The following MS4A12 variants were observed in gnomAD, a reference collection of about 807,000 sequenced individuals.
The protein encoded by MS4A12 is membrane-spanning 4-domains subfamily A member 12.
MS4A12 carries 28 observed loss-of-function variants against 23.7 expected under a neutral mutation model. The observed-to-expected ratio is 1.18, with a 90% CI of 0.88 to 1.62. The LOEUF (loss-of-function observed/expected upper bound fraction) is 1.62, where lower values mean the gene tolerates loss of function less well. Among genes scored for constraint, MS4A12 ranks in the 40% most tolerant of loss-of-function variants. The probability of loss-of-function intolerance (pLI) is 0.00; values close to 1 mark genes in which losing one functional copy is unlikely to be tolerated. For missense variants in MS4A12, 342 were observed against 327.0 expected (o/e 1.05, Z -0.35); for synonymous variants, 108 against 110.1 (o/e 0.98, Z 0.12).
intron 2 of MS4A12, 36 bp from the exon 3 acceptor site, chr11:60,501,009 A>G: frequency 6.3e-7 from 1 of 1,575,158 alleles, no homozygotes. Flanking sequence ...TCTGAAAGTG[A>G]AGAAGTAATT....
At chr11:60,500,679 TC>T (rs2086523672) in intron 2 of MS4A12, among the ~76,000 whole-genome samples, 1 of 152,336 alleles carries the variant, frequency 6.6e-6, no homozygotes, top group Middle Eastern at 3.4e-3. Context: ...AGAGAACTGA[TC>T]CATCTGAAAA....
At chr11:60,493,101 T>C (rs993915937) in intron 1 of MS4A12, 1 of 151,340 alleles carries the variant, frequency 6.6e-6, no homozygotes, top group African/African-American at 2.4e-5. Context: ...GCTCGCTGGG[T>C]GCGGTGGCTC....
chr11:60,502,546 G>C (rs1194242078), intron 4 of MS4A12, among the ~76,000 whole-genome samples: 1 of 152,194 alleles, frequency 6.6e-6, no homozygotes, highest in Non-Finnish European at 1.5e-5. Context: ...TGTAAGAAGA[G>C]TTTATAAAAA....
intron 1 of MS4A12, 189 bp downstream of exon 1, chr11:60,493,017 G>A (rs1402765341): frequency 6.6e-6 from 1 of 152,094 alleles, no homozygotes; most frequent in African/African-American, 2.4e-5. Flanking sequence ...AAACAAAACA[G>A]AAGAGGAATG....
In MS4A12 at chr11:60,506,737, A is replaced by C. The variant is rs375256547; in HGVS notation, c.598A>C (p.Lys200Gln). The stretch of plus-strand genomic sequence containing the variant: ...TTATTTATGATTTCAGCTTTCTGGA[A>C]AAGGCATTTCAGCCACGCTGATGAT... ...GQDYWAVLSGKGISATLMIFS... is the reference protein window; with the variant it reads ...GQDYWAVLSGQGISATLMIFS... Residue 200 changes from lysine (K) to glutamine (Q), a missense_variant, in exon 6 of 7, where the codon AAA becomes CAA. Physicochemically the swap from Lys to Gln is moderately conservative, Grantham distance 53 (BLOSUM62 1). Transcript: ENST00000016913. The C allele has an allele frequency of 4.5e-5, 72 of 1,613,876 alleles. No individual in the cohort carries two copies. The highest frequency in any genetic ancestry group is 6.0e-5 in the Non-Finnish European group (71 of 1,179,916).
chr11:60,493,963 C>A (rs1349218859), intron 1 of MS4A12, among the ~76,000 whole-genome samples: 2 of 152,092 alleles, frequency 1.3e-5, no homozygotes, highest in Admixed American at 6.5e-5. Context: ...AAAATAATTG[C>A]AGTTGTTCTA....
intron 5 of MS4A12, among the ~76,000 whole-genome samples, chr11:60,505,381 G>T (rs892729507): frequency 1.3e-5 from 2 of 152,078 alleles, no homozygotes; most frequent in Non-Finnish European, 2.9e-5. Context: ...GGAGCTACAA[G>T]ATGAGATTTG....
At position 60,506,785 on chromosome 11, in the gene MS4A12, G is replaced by C. The variant is rs147008825; in HGVS notation, c.646G>C (p.Val216Leu). Residue 216 changes from valine (V) to leucine (L), a missense_variant, in exon 6 of 7, where the codon GTA (valine) becomes CTA (leucine). Physicochemically the swap from Val to Leu is conservative, Grantham distance 32. Coordinates refer to ENST00000016913, the MANE Select transcript of MS4A12 (RefSeq NM_017716.3). The stretch of plus-strand genomic sequence containing the variant: ...GATCTTCTCCCTCTTGGAGTTCTTC[G>C]TAGCTTGTGCCACAGCCCATTTTGC... ...LMIFSLLEFF[V>L]ACATAHFANQ... is the part of the protein sequence containing the mutation. 1 of 1,614,084 alleles carries C rather than the reference G, an allele frequency of 6.2e-7. No homozygotes were observed. The highest frequency in any genetic ancestry group is 1.7e-5 in the Admixed American group (1 of 60,026).
intron 2 of MS4A12, among the ~76,000 whole-genome samples, chr11:60,499,977 A>G (rs1444235392): frequency 6.6e-6 from 1 of 152,214 alleles, no homozygotes; most frequent in Non-Finnish European, 1.5e-5. Flanking sequence ...CAACTTTTTA[A>G]AAAAGGACAA....
chr11:60,500,033 A>C (rs929736111), intron 2 of MS4A12, among the ~76,000 whole-genome samples: 1 of 135,002 alleles, frequency 7.4e-6, no homozygotes, highest in African/African-American at 2.8e-5. Context: ...AGGTCAGAAG[A>C]TCCAGACCTT....
intron 5 of MS4A12, among the ~76,000 whole-genome samples, chr11:60,506,410 A>G (rs988607062): frequency 3.9e-5 from 6 of 152,218 alleles, no homozygotes; most frequent in Admixed American, 1.3e-4. Flanking sequence ...TGGTTTCTGT[A>G]TTGCTTGACT....
intron 6 of MS4A12, 31 bp from the exon 7 acceptor site, chr11:60,506,989 C>T: frequency 2.5e-6 from 4 of 1,575,552 alleles, no homozygotes; most frequent in Non-Finnish European, 3.5e-6. Context: ...TTGTAGTAAC[C>T]ATATTGCTTG....
chr11:60,506,819 C>T lies in MS4A12; in HGVS notation c.680C>T (p.Ala227Val), dbSNP rs765251191. The T allele has an allele frequency of 1.2e-5, 20 of 1,613,414 alleles. No homozygotes were observed. The African/African-American group carries it at 2.4e-4, about 19-fold the overall frequency. ...ACATAHFANQ[A>V]NTTTNMSVLV... ...GCCACAGCCCATTTTGCCAACCAAG[C>T]AAACACCACAACCAATATGGTGAGT... The change falls in exon 6 of 7, where the codon GCA becomes GTA. Residue 227 changes from alanine to valine, a missense_variant. By Grantham distance (64) the Ala-to-Val change is moderately conservative (BLOSUM62 0). Transcript: ENST00000016913.
Position 60,506,730 on chromosome 11 carries a change from T to C in MS4A12, c.591T>C (p.Leu197=). The C allele has an allele frequency of 6.2e-7, 1 of 1,613,770 alleles. No homozygotes were observed. The highest frequency in any genetic ancestry group is 1.1e-5 in the South Asian group (1 of 91,030). ...GVAGQDYWAV[L]SGKGISATLM... ...TCACTATTTATTTATGATTTCAGCTTTCTGGAAAAGGCATTTCAGCCACGC... is the reference window on the plus strand; with the variant it reads ...TCACTATTTATTTATGATTTCAGCTCTCTGGAAAAGGCATTTCAGCCACGC... The change falls in exon 6 of 7, where the codon CTT becomes CTC. Residue 197 remains leucine, a splice_region_variant and synonymous_variant. Transcript: ENST00000016913.
At chr11:60,500,582 T>A (rs940052844) in intron 2 of MS4A12, among the ~76,000 whole-genome samples, 11 of 152,190 alleles carry the variant, frequency 7.2e-5, no homozygotes, top group Non-Finnish European at 1.5e-4. Flanking sequence ...TGTAAAGTGT[T>A]CAGAACATGA....
In MS4A12 at chr11:60,507,254, G is replaced by C; in HGVS notation, c.*130G>C. 1 of 742,430 alleles carries C rather than the reference G, an allele frequency of 1.3e-6. No homozygotes were observed. The highest frequency in any genetic ancestry group is 2.2e-6 in the Non-Finnish European group (1 of 452,292). 46.0% of individuals were successfully genotyped at this position (742,430 alleles called of 1,614,324 possible). A position where few individuals can be genotyped will look rare whatever the true frequency, so the allele number is the denominator to read the frequency against. On this transcript the variant is annotated 3_prime_UTR_variant, in exon 7 of 7. Coordinates refer to ENST00000016913, the MANE Select transcript of MS4A12 (RefSeq NM_017716.3). ...AACTGTGTTTGAGATTTGTTTTTAGGTTGGTCGCTAATGATGGCTGTATCT... is the reference window on the plus strand; with the variant it reads ...AACTGTGTTTGAGATTTGTTTTTAGCTTGGTCGCTAATGATGGCTGTATCT...
chr11:60,504,843 G>T (rs915011235), intron 5 of MS4A12, among the ~76,000 whole-genome samples: 6 of 152,092 alleles, frequency 3.9e-5, no homozygotes, highest in Non-Finnish European at 8.8e-5. Flanking sequence ...TAATCTGAAA[G>T]TTGTCTAGGC....
At position 60,497,463 on chromosome 11, in the gene MS4A12, GC is replaced by G. The variant is rs754835350; in HGVS notation, c.146del (p.Ala49ValfsTer24). The G allele has an allele frequency of 6.8e-6, 11 of 1,614,182 alleles. No individual in the cohort carries two copies. In the South Asian group the frequency reaches 1.2e-4, roughly 18 times the overall value. ...LENQAQGAQR[A>X]QPYGITSPGI... ...AAACCAAGCTCAGGGTGCTCAGCGT[GC>G]TCAGCCCTACGGCATCACATCTCCG... On this transcript the variant is annotated frameshift_variant, in exon 2 of 7. Transcript: ENST00000016913. LOFTEE classifies it high-confidence loss of function.
At chr11:60,506,962 G>A (rs868239901) in intron 6 of MS4A12, 58 bp from the exon 7 acceptor site, 6 of 1,541,180 alleles carry the variant, frequency 3.9e-6, no homozygotes, top group South Asian at 1.1e-5. Context: ...GATGGTACCA[G>A]GGGAAATTGC....
Sources: gnomAD v4.1 joint callset for allele counts (sites outside exome capture counted in the v4.1 genomes callset) on GRCh38, gnomAD v4.1.1 for gene constraint, MANE v1.5 for transcripts, NCBI Gene and HGNC (gene_info 2026-07-23, HGNC 2026-07-21) for gene names.